The following KIF2A variants were observed in gnomAD, a reference collection of about 807,000 sequenced individuals.
The protein encoded by KIF2A is kinesin family member 2A, also known as kinesin-like protein KIF2A.
In KIF2A, 22 loss-of-function variants were observed where a neutral mutation model predicts 100.2. That is an observed-to-expected ratio of 0.22 (90% CI 0.16 to 0.31). The LOEUF (loss-of-function observed/expected upper bound fraction) is 0.31, where lower values mean the gene tolerates loss of function less well. KIF2A is among the 10% of genes least tolerant of loss of function. The pLI is 1.00. For missense variants in KIF2A, 495 were observed against 898.7 expected (o/e 0.55, Z 5.74); for synonymous variants, 268 against 285.9 (o/e 0.94, Z 0.63).
At chr5:62,338,398 C>T (rs1332997308) in intron 1 of KIF2A, among the ~76,000 whole-genome samples, 2 of 152,170 alleles carry the variant, frequency 1.3e-5, no homozygotes, top group Non-Finnish European at 2.9e-5. Context: ...AAGCAATTCT[C>T]CTGTCTCAGC....
chr5:62,349,048 G>A (rs1365800213), intron 3 of KIF2A, among the ~76,000 whole-genome samples: 1 of 152,078 alleles, frequency 6.6e-6, no homozygotes, highest in Non-Finnish European at 1.5e-5. Flanking sequence ...TTCAACTCAT[G>A]AGTTTAATCA....
chr5:62,327,691 A>G (rs980248463), intron 1 of KIF2A, among the ~76,000 whole-genome samples: 19 of 152,220 alleles, frequency 1.2e-4, no homozygotes, highest in Admixed American at 1.0e-3. Context: ...TTTGAAATAT[A>G]CATTTTACCC....
intron 1 of KIF2A, among the ~76,000 whole-genome samples, chr5:62,308,820 T>C (rs1023008128): frequency 6.6e-6 from 1 of 152,088 alleles, no homozygotes; most frequent in African/African-American, 2.4e-5. Context: ...ATAGCAGATA[T>C]GTAGGATGAA....
intron 1 of KIF2A, among the ~76,000 whole-genome samples, chr5:62,341,484 A>G (rs564076887): frequency 6.1e-5 from 9 of 147,264 alleles, no homozygotes; most frequent in Non-Finnish European, 1.1e-4. Context: ...AATTTTTTTT[A>G]TAGAGTTGAG....
At chr5:62,315,754 C>T (rs1745789961) in intron 1 of KIF2A, among the ~76,000 whole-genome samples, 2 of 152,142 alleles carry the variant, frequency 1.3e-5, no homozygotes, top group Non-Finnish European at 2.9e-5. Flanking sequence ...AGGACTTAAT[C>T]TCCTAAGAGC....
At chr5:62,338,312 G>A (rs1172897176) in intron 1 of KIF2A, among the ~76,000 whole-genome samples, 1 of 152,024 alleles carries the variant, frequency 6.6e-6, no homozygotes, top group Admixed American at 6.6e-5. Flanking sequence ...TATTCGAGTC[G>A]GAGTCTTGCT....
chr5:62,384,500 T>C (rs1018614835), intron 20 of KIF2A, among the ~76,000 whole-genome samples: 9 of 152,180 alleles, frequency 5.9e-5, no homozygotes, highest in Admixed American at 1.3e-4. Flanking sequence ...ACCAGCATCG[T>C]TGGTCTCTGT....
In KIF2A at chr5:62,363,027, T is replaced by C; in HGVS notation, c.1120-151T>C. ...ATTTTTAGCAGAGACAAGGTCTCAC[T>C]ATGTTGCCCAGGCTGGTTTTGAACT... On this transcript the variant is annotated intron_variant, in intron 12 of 20. Transcript: ENST00000407818. The C allele has an allele frequency of 5.4e-6, 3 of 559,620 alleles. No homozygotes were observed. In the South Asian group the frequency reaches 7.9e-5, roughly 15 times the overall value. 34.7% of individuals were successfully genotyped at this position (559,620 alleles called of 1,614,324 possible). A position where few individuals can be genotyped will look rare whatever the true frequency, so the allele number is the denominator to read the frequency against.
Position 62,306,392 on chromosome 5 carries a change from A to AC in KIF2A, c.-80dup. 1 of 325,902 alleles carries AC rather than the reference A, an allele frequency of 3.1e-6. No homozygotes were observed. Among genetic ancestry groups the AC allele is most frequent in the South Asian group, 3.8e-5 (1 of 26,570 alleles). 20.2% of individuals were successfully genotyped at this position (325,902 alleles called of 1,614,324 possible). ...GCCGCGGGCAACCGCTCCCCCTCCC[A>AC]CACCTACCCCGCCCCCTCCCCGCCT... On this transcript the variant is annotated 5_prime_UTR_variant, in exon 1 of 21. Coordinates refer to ENST00000407818, the MANE Select transcript of KIF2A (RefSeq NM_001098511.3).
intron 1 of KIF2A, among the ~76,000 whole-genome samples, chr5:62,344,340 C>A (rs1747448275): frequency 1.4e-5 from 2 of 141,776 alleles, no homozygotes; most frequent in Admixed American, 7.0e-5. Context: ...GAGCGCGACT[C>A]CATCTCAAAA....
chr5:62,388,209 A>G lies in KIF2A; in HGVS notation c.*2640A>G, dbSNP rs1396168282. The G allele has an allele frequency of 1.3e-5, 2 of 152,226 alleles. No individual in the cohort carries two copies. Among genetic ancestry groups the G allele is most frequent in the Non-Finnish European group, 2.9e-5 (2 of 68,038 alleles). 9.4% of individuals were successfully genotyped at this position (152,226 alleles called of 1,614,324 possible). A position where few individuals can be genotyped will look rare whatever the true frequency, so the allele number is the denominator to read the frequency against. ...TACTGGGAACCTGTAGTTATGGGAAATGGCTGTTTTTCTGAAGTTGAAACC... is the reference window on the plus strand; with the variant it reads ...TACTGGGAACCTGTAGTTATGGGAAGTGGCTGTTTTTCTGAAGTTGAAACC... On this transcript the variant is annotated 3_prime_UTR_variant, in exon 21 of 21. Transcript: ENST00000407818.
At chr5:62,369,442 C>T (rs559450351) in intron 16 of KIF2A, among the ~76,000 whole-genome samples, 6 of 152,300 alleles carry the variant, frequency 3.9e-5, no homozygotes, top group African/African-American at 1.2e-4. Flanking sequence ...CTCACTATCA[C>T]GAGAACAGCC....
Position 62,321,105 on chromosome 5 carries a change from A to C in KIF2A, c.64+14569A>C, listed in dbSNP as rs531428409. Among the ~76,000 whole-genome samples the C allele has an allele frequency of 2.6e-5, 4 of 152,288 alleles. No individual in the cohort carries two copies. The East Asian group carries it at 7.7e-4, about 29-fold the overall frequency. On this transcript the variant is annotated intron_variant, in intron 1 of 20. Transcript: ENST00000407818. The stretch of plus-strand genomic sequence containing the variant: ...CTCAAGTTTATCAGTATAGTAACAT[A>C]TTTCAGTACTTTTTTTATGGTTGAA...
intron 6 of KIF2A, among the ~76,000 whole-genome samples, chr5:62,354,408 A>G (rs1032530168): frequency 4.6e-5 from 7 of 152,164 alleles, no homozygotes; most frequent in Non-Finnish European, 8.8e-5. Flanking sequence ...GTTGCATTCA[A>G]AACAAATCTG....
At chr5:62,323,399 T>A (rs891330740) in intron 1 of KIF2A, among the ~76,000 whole-genome samples, 4 of 152,010 alleles carry the variant, frequency 2.6e-5, no homozygotes, top group Admixed American at 1.3e-4. Context: ...GGCGGGCGCC[T>A]GTAGTCCTAG....
rs1742068714 is a variant in KIF2A at position 62,387,142 on chromosome 5, A to AT, written c.*1577dup. 1 of 152,106 alleles carries AT rather than the reference A, an allele frequency of 6.6e-6. No individual in the cohort carries two copies. Among genetic ancestry groups the AT allele is most frequent in the South Asian group, 2.1e-4 (1 of 4,836 alleles). The allele number at this position is 152,106 out of a possible 1,614,324, so 9.4% of individuals were successfully genotyped here. A position where few individuals can be genotyped will look rare whatever the true frequency, so the allele number is the denominator to read the frequency against. ...AACATGAAATCTAAAACAAATGTAG[A>AT]TTTTCACAATATGCTTATTAATAAA... On this transcript the variant is annotated 3_prime_UTR_variant, in exon 21 of 21. Transcript: ENST00000407818.
At chr5:62,350,770 A>G (rs1303716138) in intron 4 of KIF2A, among the ~76,000 whole-genome samples, 1 of 151,824 alleles carries the variant, frequency 6.6e-6, no homozygotes, top group Non-Finnish European at 1.5e-5. Context: ...AAAATTAGCC[A>G]GGCATGGTGG....
At chr5:62,371,989 T>A (rs1262764581) in intron 16 of KIF2A, among the ~76,000 whole-genome samples, 2 of 152,226 alleles carry the variant, frequency 1.3e-5, no homozygotes, top group African/African-American at 2.4e-5. Context: ...GTTAATTCAT[T>A]ACAAACAATG....
intron 13 of KIF2A, 130 bp downstream of exon 13, chr5:62,363,450 CATGTAA>C (rs1740913661): frequency 1.2e-5 from 10 of 851,902 alleles, no homozygotes; most frequent in Middle Eastern, 2.4e-4. Flanking sequence ...ACTTGTGTTA[CATGTAA>C]ATGTGAGTGA....
Sources: gnomAD v4.1 joint callset for allele counts (sites outside exome capture counted in the v4.1 genomes callset) on GRCh38, gnomAD v4.1.1 for gene constraint, MANE v1.5 for transcripts, NCBI Gene and HGNC (gene_info 2026-07-23, HGNC 2026-07-21) for gene names.